The following UBTD1 variants were observed in gnomAD, a reference collection of about 807,000 sequenced individuals.
UBTD1 encodes ubiquitin domain-containing protein 1.
In UBTD1, 19 loss-of-function variants were observed where a neutral mutation model predicts 21.7. The observed-to-expected ratio is 0.87, with a 90% CI of 0.61 to 1.28. The LOEUF is 1.28. Among genes scored for constraint, UBTD1 ranks in the 50% most tolerant of loss-of-function variants. The pLI, the probability that UBTD1 is intolerant of heterozygous loss-of-function variation, is 0.00. For missense variants in UBTD1, 282 were observed against 315.1 expected, an observed-to-expected ratio of 0.89 and a Z score of 0.80; for synonymous variants, 116 against 135.1, an observed-to-expected ratio of 0.86 and a Z score of 0.98.
intron 1 of UBTD1, among the ~76,000 whole-genome samples, chr10:97,545,949 T>C (rs1489425227): frequency 6.6e-6 from 1 of 152,180 alleles, no homozygotes; most frequent in East Asian, 1.9e-4. Flanking sequence ...CATGCCTGGC[T>C]AATTTTTGTA....
At chr10:97,565,357 G>GA (rs1384392550) in intron 1 of UBTD1, among the ~76,000 whole-genome samples, 1 of 152,100 alleles carries the variant, frequency 6.6e-6, no homozygotes, top group Non-Finnish European at 1.5e-5. Flanking sequence ...GGTTCCTTGG[G>GA]AAAAAACTGA....
chr10:97,503,084 C>T (rs1426567730), intron 1 of UBTD1, among the ~76,000 whole-genome samples: 1 of 151,812 alleles, frequency 6.6e-6, no homozygotes, highest in African/African-American at 2.4e-5. Flanking sequence ...GCCCAGCTAA[C>T]TTTTTATTTT....
At chr10:97,550,219 G>A (rs547489657) in intron 1 of UBTD1, among the ~76,000 whole-genome samples, 1 of 152,236 alleles carries the variant, frequency 6.6e-6, no homozygotes, top group Non-Finnish European at 1.5e-5. Flanking sequence ...GAAGGACACT[G>A]TTGGCCCCAT....
At chr10:97,524,089 C>T (rs1302753897) in intron 1 of UBTD1, among the ~76,000 whole-genome samples, 2 of 152,146 alleles carry the variant, frequency 1.3e-5, no homozygotes, top group Admixed American at 6.5e-5. Context: ...TGCCCTCCCA[C>T]CCTGATCACA....
intron 1 of UBTD1, among the ~76,000 whole-genome samples, chr10:97,505,375 G>T (rs2040393976): frequency 6.6e-6 from 1 of 152,214 alleles, no homozygotes; most frequent in Non-Finnish European, 1.5e-5. Flanking sequence ...TTATAGGGAA[G>T]TGGTTGAGGT....
At chr10:97,564,736 G>A (rs1040854139) in intron 1 of UBTD1, among the ~76,000 whole-genome samples, 3 of 152,082 alleles carry the variant, frequency 2.0e-5, no homozygotes, top group Non-Finnish European at 2.9e-5. Flanking sequence ...GCTAATTTTT[G>A]TATTTTTAGT....
At chr10:97,517,604 C>T (rs944946406) in intron 1 of UBTD1, among the ~76,000 whole-genome samples, 7 of 152,146 alleles carry the variant, frequency 4.6e-5, no homozygotes, top group African/African-American at 1.4e-4. Flanking sequence ...TGCAGTCACT[C>T]GTGGCATGGC....
intron 1 of UBTD1, among the ~76,000 whole-genome samples, chr10:97,502,505 C>T (rs1425759351): frequency 6.6e-6 from 1 of 152,154 alleles, no homozygotes; most frequent in Non-Finnish European, 1.5e-5. Context: ...GAGTTCTAGT[C>T]CTGGGCCTAT....
chr10:97,531,014 A>C (rs1024230006), intron 1 of UBTD1, among the ~76,000 whole-genome samples: 1 of 151,600 alleles, frequency 6.6e-6, no homozygotes, highest in East Asian at 1.9e-4. Flanking sequence ...CAGCCTCCGG[A>C]GTAGCTGGGA....
At chr10:97,509,025 G>A (rs1318141162) in intron 1 of UBTD1, among the ~76,000 whole-genome samples, 2 of 152,222 alleles carry the variant, frequency 1.3e-5, no homozygotes, top group East Asian at 3.8e-4. Flanking sequence ...GAGGCACAGA[G>A]AGTCATGTTA....
chr10:97,530,829 T>C (rs984234823), intron 1 of UBTD1, among the ~76,000 whole-genome samples: 4 of 152,046 alleles, frequency 2.6e-5, no homozygotes, highest in African/African-American at 9.6e-5. Context: ...AGGTTACTTA[T>C]GTTTTTCCTT....
intron 1 of UBTD1, among the ~76,000 whole-genome samples, chr10:97,562,947 G>A (rs1208162988): frequency 3.4e-4 from 52 of 152,172 alleles, no homozygotes; most frequent in Admixed American, 3.3e-3. Context: ...GATAATGGGC[G>A]ATGTTTCTCA....
chr10:97,499,323 C>A, intron 1 of UBTD1, 50 bp downstream of exon 1: 1 of 1,533,398 alleles, frequency 6.5e-7, no homozygotes, highest in South Asian at 1.2e-5. Context: ...CAGTTGTCCC[C>A]CTCCTCGCCC....
chr10:97,506,302 C>G (rs1262316370), intron 1 of UBTD1, among the ~76,000 whole-genome samples: 1 of 152,206 alleles, frequency 6.6e-6, no homozygotes, highest in Non-Finnish European at 1.5e-5. Context: ...CGGTCAGTTA[C>G]TGTGCTTATA....
rs1168451223 is a variant in UBTD1 at position 97,507,503 on chromosome 10, G to C, written c.70+8230G>C. ...AAAAAAAAAAAATTGGCCTGGGCAC[G>C]GTGGCTCATGCCTGTAATCCCAGCA... On this transcript the variant is annotated intron_variant, in intron 1 of 2. Coordinates refer to ENST00000370664, the MANE Select transcript of UBTD1 (RefSeq NM_024954.5). Among the ~76,000 whole-genome samples, 6 of 151,902 alleles carry C rather than the reference G, an allele frequency of 3.9e-5. No individual in the cohort carries two copies. In the South Asian group the frequency reaches 1.0e-3, roughly 26 times the overall value.
intron 1 of UBTD1, among the ~76,000 whole-genome samples, chr10:97,554,992 C>T (rs2040657487): frequency 6.6e-6 from 1 of 152,178 alleles, no homozygotes; most frequent in Non-Finnish European, 1.5e-5. Context: ...GCTGGGCCTG[C>T]CCTCTCCCCA....
intron 1 of UBTD1, among the ~76,000 whole-genome samples, chr10:97,504,369 AGATAT>A (rs2040390051): frequency 6.6e-6 from 1 of 152,212 alleles, no homozygotes; most frequent in Admixed American, 6.5e-5. Context: ...TTGGTCTACA[AGATAT>A]GATATGATTT....
chr10:97,518,261 CAG>C (rs2040452789), intron 1 of UBTD1, among the ~76,000 whole-genome samples: 1 of 152,162 alleles, frequency 6.6e-6, no homozygotes, highest in Non-Finnish European at 1.5e-5. Context: ...CTGAGGTCAA[CAG>C]GGGAGAACCT....
In UBTD1 at chr10:97,570,476, T is replaced by G; in HGVS notation, c.637T>G (p.Phe213Val). The G allele has an allele frequency of 6.2e-7, 1 of 1,611,628 alleles. No homozygotes were observed. The highest frequency in any genetic ancestry group is 8.5e-7 in the Non-Finnish European group (1 of 1,178,896). Residue 213 changes from phenylalanine (F) to valine (V), a missense_variant, in exon 3 of 3, where the codon TTT (phenylalanine) becomes GTT (valine). Phe to Val is a conservative substitution (Grantham distance 50, BLOSUM62 -1). Coordinates refer to ENST00000370664, the MANE Select transcript of UBTD1 (RefSeq NM_024954.5). The surrounding 1 kb of genome is among the most constrained non-coding windows in gnomAD (Gnocchi z 6.6). ...RLQETKIQKD[F>V]VIQVIINQPP... ...CCAGGAGACCAAGATCCAGAAAGATTTTGTCATCCAGGTCATCATCAACCA... is the reference window on the plus strand; with the variant it reads ...CCAGGAGACCAAGATCCAGAAAGATGTTGTCATCCAGGTCATCATCAACCA...
Sources: gnomAD v4.1 joint callset for allele counts (sites outside exome capture counted in the v4.1 genomes callset) on GRCh38, gnomAD v4.1.1 for gene constraint, Gnocchi (gnomAD v3.1) non-coding constraint, MANE v1.5 for transcripts, NCBI Gene and HGNC (gene_info 2026-07-23, HGNC 2026-07-21) for gene names.